The following VGLL3 variants were observed in gnomAD, a reference collection of about 807,000 sequenced individuals.
The protein encoded by VGLL3 is transcription cofactor vestigial-like protein 3.
In VGLL3, 18 loss-of-function variants were observed where a neutral mutation model predicts 29.2. The observed-to-expected ratio is 0.62, with a 90% CI of 0.43 to 0.91. The LOEUF is 0.91. Ranked by LOEUF, VGLL3 falls within the 40% of genes least tolerant of loss-of-function variation. The probability of loss-of-function intolerance (pLI) is 0.00; values close to 1 mark genes in which losing one functional copy is unlikely to be tolerated. For synonymous variants in VGLL3, 180 were observed against 151.8 expected, an observed-to-expected ratio of 1.19 and a Z score of -1.36; for missense variants, 440 against 413.2, an observed-to-expected ratio of 1.06 and a Z score of -0.56.
intron 2 of VGLL3, 61 bp from the exon 3 acceptor site, chr3:86,969,184 CCTCTAATTGTCCA>C: frequency 1.3e-6 from 2 of 1,496,722 alleles, no homozygotes; most frequent in Non-Finnish European, 8.9e-7. Flanking sequence ...GATAGACTTG[CCTCTAATTGTCCA>C]CTCTAATTGT....
At chr3:86,958,431 T>C (rs1704770272) in intron 3 of VGLL3, among the ~76,000 whole-genome samples, 1 of 152,244 alleles carries the variant, frequency 6.6e-6, no homozygotes, top group African/African-American at 2.4e-5. Flanking sequence ...TAACTATTTG[T>C]ATTATTATGC....
At chr3:86,947,637 G>A (rs528734207) in intron 3 of VGLL3, among the ~76,000 whole-genome samples, 1 of 152,210 alleles carries the variant, frequency 6.6e-6, no homozygotes, top group African/African-American at 2.4e-5. Context: ...TAACAGTCCA[G>A]ACCTATATTC....
chr3:86,963,907 G>T (rs1704908394), intron 3 of VGLL3, among the ~76,000 whole-genome samples: 1 of 152,074 alleles, frequency 6.6e-6, no homozygotes, highest in Admixed American at 6.5e-5. Context: ...TTAAAAGTTG[G>T]GATATACACT....
intron 2 of VGLL3, among the ~76,000 whole-genome samples, chr3:86,970,721 C>T (rs1425940631): frequency 1.3e-5 from 2 of 151,958 alleles, no homozygotes; most frequent in Non-Finnish European, 2.9e-5. Context: ...CAGTCAAATC[C>T]GTTTGTGGAA....
At chr3:86,960,026 G>A (rs1156741981) in intron 3 of VGLL3, among the ~76,000 whole-genome samples, 1 of 151,908 alleles carries the variant, frequency 6.6e-6, no homozygotes, top group African/African-American at 2.4e-5. Context: ...CCGGTTTTTT[G>A]TATTGCCTGT....
At chr3:86,952,481 AC>A (rs1704636190) in intron 3 of VGLL3, among the ~76,000 whole-genome samples, 1 of 152,180 alleles carries the variant, frequency 6.6e-6, no homozygotes, top group Admixed American at 6.5e-5. Context: ...AAAAGAGGTA[AC>A]CATACAATGG....
At chr3:86,962,036 AATTAAGCCCTT>A in intron 3 of VGLL3, 1 of 985,156 alleles carries the variant, frequency 1.0e-6, no homozygotes. Context: ...TTCTTTTTTC[AATTAAGCCCTT>A]ATTATCACAT....
intron 1 of VGLL3, among the ~76,000 whole-genome samples, chr3:86,980,418 T>C (rs1456740593): frequency 6.6e-6 from 1 of 152,156 alleles, no homozygotes; most frequent in Non-Finnish European, 1.5e-5. Flanking sequence ...TTCAGGATGG[T>C]TATTTATAAA....
intron 2 of VGLL3, among the ~76,000 whole-genome samples, chr3:86,972,215 A>G (rs1705116144): frequency 1.3e-5 from 2 of 152,238 alleles, no homozygotes; most frequent in Non-Finnish European, 2.9e-5. Flanking sequence ...ATTAGTGAAG[A>G]CATTATTACT....
At chr3:86,956,994 A>G (rs1437979978) in intron 3 of VGLL3, among the ~76,000 whole-genome samples, 1 of 152,086 alleles carries the variant, frequency 6.6e-6, no homozygotes, top group African/African-American at 2.4e-5. Flanking sequence ...TTCATAGTCT[A>G]ACTTCCTTTT....
At chr3:86,971,555 T>A (rs1236248837) in intron 2 of VGLL3, among the ~76,000 whole-genome samples, 3 of 152,250 alleles carry the variant, frequency 2.0e-5, no homozygotes, top group Admixed American at 6.5e-5. Context: ...ATTGAATGAC[T>A]TTGTTAAAAT....
intron 2 of VGLL3, among the ~76,000 whole-genome samples, chr3:86,976,690 AC>A (rs1375253889): frequency 6.6e-6 from 1 of 152,244 alleles, no homozygotes; most frequent in African/African-American, 2.4e-5. Context: ...GGGTTTCTGC[AC>A]ATTCACAACA....
chr3:86,976,119 A>T (rs1168771870), intron 2 of VGLL3, among the ~76,000 whole-genome samples: 4 of 152,068 alleles, frequency 2.6e-5, no homozygotes, highest in Admixed American at 1.3e-4. Flanking sequence ...CATCTCAAAA[A>T]AAAAAAGTTC....
intron 1 of VGLL3, among the ~76,000 whole-genome samples, chr3:86,987,557 G>A (rs1477343805): frequency 2.0e-5 from 3 of 152,126 alleles, no homozygotes; most frequent in Non-Finnish European, 2.9e-5. Context: ...CTGAGTCAAG[G>A]GTTCTCCTGA....
chr3:86,968,999 A>G lies in VGLL3; in HGVS notation c.528T>C (p.Pro176=), dbSNP rs758160835. Residue 176 remains proline, a synonymous_variant, in exon 3 of 4, where the codon CCT becomes CCC. Transcript: ENST00000398399. ...TGGGATCAGCTGCAGAAAAGGTGCC[A>G]GGGGGTCCAGTGACCTGGAAGTCAG... ...VHPDFQVTGP[P]GTFSAADPSP... 3.1e-5 allele frequency: 50 copies of G among 1,614,044 alleles called. No individual in the cohort carries two copies. The highest frequency in any genetic ancestry group is 1.8e-4 in the Admixed American group (11 of 60,008).
chr3:86,955,211 G>T (rs771601585), intron 3 of VGLL3, among the ~76,000 whole-genome samples: 3 of 152,022 alleles, frequency 2.0e-5, no homozygotes, highest in African/African-American at 4.8e-5. Context: ...TTCAAAAGAC[G>T]CTTAGAAACT....
chr3:86,965,524 G>C (rs982811044), intron 3 of VGLL3, among the ~76,000 whole-genome samples: 5 of 152,130 alleles, frequency 3.3e-5, no homozygotes, highest in African/African-American at 1.2e-4. Flanking sequence ...TTGGAAAAGT[G>C]GTACAGTAGC....
In VGLL3 at chr3:86,990,905, G is replaced by A. The variant is rs1441408422; in HGVS notation, c.-162C>T. On this transcript the variant is annotated 5_prime_UTR_variant, in exon 1 of 4. Coordinates refer to ENST00000398399, the MANE Select transcript of VGLL3 (RefSeq NM_016206.4). ...GGCGGCCTCGGGCTCCGCGCGGGGC[G>A]CGGGGTCGGGAGGGACTGGCAATCA... The A allele has an allele frequency of 1.8e-6, 2 of 1,116,744 alleles. No individual in the cohort carries two copies. The highest frequency in any genetic ancestry group is 1.7e-5 in the African/African-American group (1 of 60,282). 69.2% of individuals were successfully genotyped at this position (1,116,744 alleles called of 1,614,324 possible).
rs1704404659 is a variant in VGLL3, at chr3:86,941,836, G to A, written c.*5188C>T. On this transcript the variant is annotated 3_prime_UTR_variant, in exon 4 of 4. Coordinates refer to ENST00000398399, the MANE Select transcript of VGLL3 (RefSeq NM_016206.4). ...CTAAAAAATTCTAAATGTCTGTGCT[G>A]TGACCAATCTCCATGACCAAGTTAC... is the stretch of plus-strand genomic sequence containing the variant. 1 of 151,944 alleles carries A rather than the reference G, an allele frequency of 6.6e-6. No homozygotes were observed. The highest frequency in any genetic ancestry group is 2.1e-4 in the South Asian group (1 of 4,826). 9.4% of individuals were successfully genotyped at this position (151,944 alleles called of 1,614,324 possible).
Sources: allele counts gnomAD v4.1 joint callset (sites outside exome capture counted in the v4.1 genomes callset), GRCh38; gene constraint gnomAD v4.1.1; transcripts MANE v1.5; gene names NCBI Gene and HGNC (gene_info 2026-07-23, HGNC 2026-07-21).